PYROXD2: variants seen among roughly 807,000 people sequenced by gnomAD.
PYROXD2 encodes the protein pyridine nucleotide-disulfide oxidoreductase domain-containing protein 2.
Under a neutral mutation model 71.1 loss-of-function variants are expected in PYROXD2, and 69 were observed. The ratio of observed to expected loss-of-function variants is 0.97; its 90% CI spans 0.80 to 1.19. The LOEUF (loss-of-function observed/expected upper bound fraction) is 1.19, where lower values mean the gene tolerates loss of function less well. Among genes scored for constraint, PYROXD2 ranks in the 50% most tolerant of loss-of-function variants. PYROXD2 has a pLI of 0.00. For synonymous variants in PYROXD2, 287 were observed against 302.7 expected, an observed-to-expected ratio of 0.95 and a Z score of 0.54; for missense variants, 745 against 748.9, an observed-to-expected ratio of 0.99 and a Z score of 0.06.
intron 8 of PYROXD2, among the ~76,000 whole-genome samples, chr10:98,393,336 A>G (rs1843016779): frequency 6.6e-6 from 1 of 152,200 alleles, no homozygotes; most frequent in Admixed American, 6.5e-5. Flanking sequence ...CTGCAGCTCC[A>G]GCCCTCTCCT....
chr10:98,399,550 C>T (rs147006244), intron 5 of PYROXD2, among the ~76,000 whole-genome samples: 7 of 151,646 alleles, frequency 4.6e-5, no homozygotes, highest in Admixed American at 3.3e-4. Context: ...GACATGTGTT[C>T]ATCCTGTCAC....
At chr10:98,394,042 G>A (rs1480815023) in intron 8 of PYROXD2, among the ~76,000 whole-genome samples, 2 of 152,022 alleles carry the variant, frequency 1.3e-5, no homozygotes, top group Non-Finnish European at 2.9e-5. Context: ...AGGCTTCTCT[G>A]ACCCTAGACC....
intron 5 of PYROXD2, 104 bp from the exon 6 acceptor site, chr10:98,397,602 C>T: frequency 2.2e-6 from 3 of 1,389,190 alleles, no homozygotes; most frequent in African/African-American, 1.5e-5. Flanking sequence ...TTCCTCAGGC[C>T]TCATTCCCCG....
chr10:98,393,878 G>A (rs541984352), intron 8 of PYROXD2, among the ~76,000 whole-genome samples: 34 of 152,152 alleles, frequency 2.2e-4, no homozygotes, highest in African/African-American at 8.2e-4. Flanking sequence ...CTAACTAACA[G>A]AACCTCTCGA....
At chr10:98,387,920 C>A in intron 13 of PYROXD2, 1 of 196,730 alleles carries the variant, frequency 5.1e-6, no homozygotes, top group Non-Finnish European at 1.1e-5. Context: ...AGGCATGAGC[C>A]CCCACGCCTG....
chr10:98,394,490 G>GCTC (rs1564798526), intron 8 of PYROXD2, among the ~76,000 whole-genome samples: 130 of 151,124 alleles, frequency 8.6e-4, no homozygotes, highest in African/African-American at 3.1e-3. Context: ...GCTTCTAGCT[G>GCTC]TATCTTCTGG....
At chr10:98,385,120 C>T in intron 14 of PYROXD2, 53 bp from the exon 15 acceptor site, 1 of 1,601,716 alleles carries the variant, frequency 6.2e-7, no homozygotes, top group Non-Finnish European at 8.5e-7. Flanking sequence ...GCCTTTCCTG[C>T]TCTGGCTGGG....
chr10:98,410,128 T>C (rs1271618915), intron 2 of PYROXD2, among the ~76,000 whole-genome samples: 1 of 152,144 alleles, frequency 6.6e-6, no homozygotes, highest in Non-Finnish European at 1.5e-5. Context: ...AAATTACTGA[T>C]CCATTGAGTT....
chr10:98,384,882 C>A, intron 15 of PYROXD2, 65 bp downstream of exon 15: 1 of 1,510,916 alleles, frequency 6.6e-7, no homozygotes, highest in Non-Finnish European at 8.8e-7. Flanking sequence ...CCTCCTTCTC[C>A]AAGTCTCTGG....
At chr10:98,391,466 A>G (rs796567650) in intron 10 of PYROXD2, among the ~76,000 whole-genome samples, 4 of 152,292 alleles carry the variant, frequency 2.6e-5, no homozygotes, top group African/African-American at 9.6e-5. Flanking sequence ...ATCACTCAGA[A>G]AAAGTAGTGC....
chr10:98,399,998 C>T lies in PYROXD2; in HGVS notation c.471+104G>A, dbSNP rs545307867. The stretch of plus-strand genomic sequence containing the variant: ...CTCCTAGGAACGTGGGGTGGCCTGG[C>T]GCAGTGTCCATGGCCTTTGAACAAT... On this transcript the variant is annotated intron_variant, in intron 5 of 15. Coordinates refer to ENST00000370575, the MANE Select transcript of PYROXD2 (RefSeq NM_032709.3). 62 of 1,393,442 alleles carry T rather than the reference C, an allele frequency of 4.4e-5. No individual in the cohort carries two copies. In the African/African-American group the frequency reaches 4.9e-4, roughly 11 times the overall value. The allele number at this position is 1,393,442 out of a possible 1,614,324, so 86.3% of individuals were successfully genotyped here. A position where few individuals can be genotyped will look rare whatever the true frequency, so the allele number is the denominator to read the frequency against.
intron 4 of PYROXD2, among the ~76,000 whole-genome samples, chr10:98,405,236 T>C (rs1168812963): frequency 6.6e-6 from 1 of 152,174 alleles, no homozygotes; most frequent in Non-Finnish European, 1.5e-5. Flanking sequence ...AGTGCTCGCA[T>C]TGACAGCTGT....
At chr10:98,410,741 G>A (rs1389632720) in intron 2 of PYROXD2, 198 bp downstream of exon 2, 7 of 718,554 alleles carry the variant, frequency 9.7e-6, no homozygotes, top group Admixed American at 3.0e-5. Flanking sequence ...AAAGGAGCCT[G>A]TGATGTCCAC....
At chr10:98,405,765 G>A (rs1843577304) in intron 4 of PYROXD2, among the ~76,000 whole-genome samples, 1 of 152,222 alleles carries the variant, frequency 6.6e-6, no homozygotes, top group South Asian at 2.1e-4. Flanking sequence ...GTGAGTCTGG[G>A]CGGTATTGGT....
At chr10:98,385,840 C>T (rs970801772) in intron 14 of PYROXD2, among the ~76,000 whole-genome samples, 1 of 152,200 alleles carries the variant, frequency 6.6e-6, no homozygotes, top group Non-Finnish European at 1.5e-5. Context: ...CAAGTCTGCC[C>T]GCCCCATGCC....
intron 4 of PYROXD2, among the ~76,000 whole-genome samples, chr10:98,401,469 T>A (rs1843408676): frequency 6.6e-6 from 1 of 152,084 alleles, no homozygotes; most frequent in Non-Finnish European, 1.5e-5. Flanking sequence ...TAGGCTACAC[T>A]ACATTTATTA....
At chr10:98,388,758 C>T (rs577260431) in intron 12 of PYROXD2, among the ~76,000 whole-genome samples, 4 of 152,076 alleles carry the variant, frequency 2.6e-5, no homozygotes, top group South Asian at 2.1e-4. Flanking sequence ...CTTCATCACA[C>T]GCTGTGCTCT....
chr10:98,399,013 T>C (rs780385582), intron 5 of PYROXD2, among the ~76,000 whole-genome samples: 1 of 152,080 alleles, frequency 6.6e-6, no homozygotes, highest in African/African-American at 2.4e-5. Context: ...TGGTGGTGAA[T>C]GCCTGTAATC....
intron 10 of PYROXD2, among the ~76,000 whole-genome samples, chr10:98,391,619 G>C (rs141028948): frequency 1.0e-3 from 156 of 152,250 alleles, no homozygotes; most frequent in African/African-American, 3.6e-3. Flanking sequence ...CCACTTCCGT[G>C]TAACCTTGCA....
Sources: gnomAD v4.1 joint callset for allele counts (sites outside exome capture counted in the v4.1 genomes callset) on GRCh38, gnomAD v4.1.1 for gene constraint, MANE v1.5 for transcripts, NCBI Gene and HGNC (gene_info 2026-07-23, HGNC 2026-07-21) for gene names.